RBM11: variants seen among roughly 807,000 people sequenced by gnomAD.
RBM11 encodes RNA binding motif protein 11.
A neutral mutation model predicts 21.4 loss-of-function variants in RBM11; 18 were observed. The ratio of observed to expected loss-of-function variants is 0.84; its 90% CI spans 0.58 to 1.25. The LOEUF is 1.25. Among genes scored for constraint, RBM11 ranks in the 50% most tolerant of loss-of-function variants. The pLI, the probability that RBM11 is intolerant of heterozygous loss-of-function variation, is 0.00. For missense variants in RBM11, 294 were observed against 331.9 expected, an observed-to-expected ratio of 0.89 and a Z score of 0.89; for synonymous variants, 120 against 116.3, an observed-to-expected ratio of 1.03 and a Z score of -0.20.
intron 1 of RBM11, among the ~76,000 whole-genome samples, chr21:14,217,963 G>A (rs529702615): frequency 2.6e-5 from 4 of 152,134 alleles, no homozygotes; most frequent in African/African-American, 9.6e-5. Flanking sequence ...TTCCACCTAA[G>A]CAAAATATAA....
In RBM11 at chr21:14,225,964, T is replaced by A. The variant is rs114171370; in HGVS notation, c.433-916T>A. Among the ~76,000 whole-genome samples, 1,160 of 152,140 alleles carry A rather than the reference T, an allele frequency of 7.6e-3. 14 individuals carry two copies. Among genetic ancestry groups the A allele is most frequent in the African/African-American group, 0.026 (1,082 of 41,560 alleles). ...TGAGTTTTAAAATTTTATTTAATTTTAATTAATTTAAATTAAAATTTAAAA... is the reference window on the plus strand; with the variant it reads ...TGAGTTTTAAAATTTTATTTAATTTAAATTAATTTAAATTAAAATTTAAAA... On this transcript the variant is annotated intron_variant, in intron 4 of 4. Transcript: ENST00000400577.
chr21:14,216,343 G>T, intron 1 of RBM11, 61 bp downstream of exon 1: 3 of 1,431,790 alleles, frequency 2.1e-6, no homozygotes, highest in Non-Finnish European at 1.9e-6. Context: ...AACATAGCGC[G>T]CACCTGGACC....
chr21:14,224,382 G>T, intron 3 of RBM11, 56 bp from the exon 4 acceptor site: 1 of 1,512,496 alleles, frequency 6.6e-7, no homozygotes, highest in South Asian at 1.3e-5. Flanking sequence ...AAGAGAAAAT[G>T]ACATTTGTAA....
chr21:14,221,717 A>G (rs1419797096), intron 3 of RBM11, among the ~76,000 whole-genome samples: 7 of 152,236 alleles, frequency 4.6e-5, no homozygotes, highest in Admixed American at 4.6e-4. Context: ...GCTATCCCAG[A>G]GGTCATGAAA....
intron 3 of RBM11, among the ~76,000 whole-genome samples, chr21:14,223,418 G>A (rs994606085): frequency 2.6e-5 from 4 of 152,090 alleles, no homozygotes; most frequent in East Asian, 1.9e-4. Flanking sequence ...ACAAAGTACC[G>A]CAAACAGAGT....
chr21:14,222,428 C>A (rs111410387), intron 3 of RBM11, among the ~76,000 whole-genome samples: 2 of 152,114 alleles, frequency 1.3e-5, no homozygotes, highest in African/African-American at 4.8e-5. Flanking sequence ...GCTGAATATT[C>A]TCAAGTAAAC....
chr21:14,221,061 AC>A lies in RBM11; in HGVS notation c.260-34del, dbSNP rs748176906. The A allele has an allele frequency of 2.0e-6, 3 of 1,520,522 alleles. No individual in the cohort carries two copies. The South Asian group carries it at 3.8e-5, about 19-fold the overall frequency. 94.2% of individuals were successfully genotyped at this position (1,520,522 alleles called of 1,614,324 possible). A position where few individuals can be genotyped will look rare whatever the true frequency, so the allele number is the denominator to read the frequency against. On this transcript the variant is annotated intron_variant, in intron 2 of 4. Coordinates refer to ENST00000400577, the MANE Select transcript of RBM11 (RefSeq NM_144770.5). ...AATATTACAACTCAAAAAAAAATGTACCATGAAGTAACCTGTTACTCTGTTT... is the reference window on the plus strand; with the variant it reads ...AATATTACAACTCAAAAAAAAATGTACATGAAGTAACCTGTTACTCTGTTT...
intron 3 of RBM11, among the ~76,000 whole-genome samples, chr21:14,224,043 A>G (rs996231813): frequency 1.3e-5 from 2 of 152,204 alleles, no homozygotes; most frequent in Admixed American, 6.5e-5. Flanking sequence ...TGTTTGTTAT[A>G]TAATACCAGT....
intron 4 of RBM11, 56 bp from the exon 5 acceptor site, chr21:14,226,824 T>A: frequency 6.5e-7 from 1 of 1,548,042 alleles, no homozygotes; most frequent in Non-Finnish European, 8.7e-7. Flanking sequence ...AACTGTTAAT[T>A]TTTTTTCCTT....
rs1161766093 is a variant in RBM11, at chr21:14,227,076, C to T, written c.629C>T (p.Ala210Val). ...YQMTAPLPNS[A>V]SVSSSLNHVP... ...ATGACAGCTCCACTTCCTAATAGTG[C>T]ATCCGTGTCTTCCTCACTGAATCAT... Residue 210 changes from alanine to valine, a missense_variant, in exon 5 of 5, where the codon GCA becomes GTA. By Grantham distance (64) the Ala-to-Val change is moderately conservative. Around this residue, in one of 2 missense-constraint regions of RBM11, gnomAD observed 113 missense variants for 167.3 expected, o/e 0.68. Transcript: ENST00000400577. 1.9e-6 allele frequency: 3 copies of T among 1,612,996 alleles called. No individual in the cohort carries two copies. Among genetic ancestry groups the T allele is most frequent in the Non-Finnish European group, 2.5e-6 (3 of 1,179,796 alleles).
rs747157623 is a variant in RBM11 at position 14,227,272 on chromosome 21, TAAG to T, written c.834_836del (p.Lys279del). On this transcript the variant is annotated inframe_deletion, in exon 5 of 5. Coordinates refer to ENST00000400577, the MANE Select transcript of RBM11 (RefSeq NM_144770.5). Reference sequence around the variant, plus strand: ...AATGTAGCCAAAAGTTCCGAAAGTCTAAGAAGAAGAAAAGATACTAGTATTACC... The same window carrying T: ...AATGTAGCCAAAAGTTCCGAAAGTCTAAGAAGAAAAGATACTAGTATTACC... 2.3e-4 allele frequency: 367 copies of T among 1,611,682 alleles called. 5 individuals carry two copies. The highest frequency in any genetic ancestry group is 2.2e-3 in the South Asian group (202 of 90,654).
At chr21:14,221,466 C>T (rs1978660703) in intron 3 of RBM11, 1 of 208,888 alleles carries the variant, frequency 4.8e-6, no homozygotes, top group Non-Finnish European at 9.4e-6. Context: ...TCATGGATCA[C>T]AGGGATACTG....
chr21:14,224,406 AT>A, intron 3 of RBM11, 31 bp from the exon 4 acceptor site: 2 of 1,523,216 alleles, frequency 1.3e-6, no homozygotes, highest in African/African-American at 2.8e-5. Context: ...GAATTTTAAG[AT>A]TTTATTACTT....
In RBM11 at chr21:14,219,641, C is replaced by T. The variant is rs1568896826; in HGVS notation, c.175C>T (p.His59Tyr). ...GTCTTTTGGATTTGTCTGCTTTAAA[C>T]ACCCAGAATCGGTGTCTTATGCCAT... is the stretch of plus-strand genomic sequence containing the variant. ...PKSFGFVCFK[H>Y]PESVSYAIAL... is the part of the protein sequence containing the mutation. The change falls in exon 2 of 5, where the codon CAC becomes TAC. Residue 59 changes from histidine (H) to tyrosine (Y), a missense_variant. By Grantham distance (83) the His-to-Tyr change is moderately conservative. This residue lies in a region of RBM11 where 181 missense variants were observed against 164.6 expected (regional missense o/e 1.10). Coordinates refer to ENST00000400577, the MANE Select transcript of RBM11 (RefSeq NM_144770.5). The T allele has an allele frequency of 6.2e-7, 1 of 1,607,692 alleles. No homozygotes were observed.
intron 2 of RBM11, among the ~76,000 whole-genome samples, chr21:14,219,954 A>G (rs963780365): frequency 2.0e-5 from 3 of 152,186 alleles, no homozygotes; most frequent in African/African-American, 7.2e-5. Flanking sequence ...ATGTAAGATA[A>G]TCGTTTTAGT....
chr21:14,217,537 G>A (rs1054450746), intron 1 of RBM11, among the ~76,000 whole-genome samples: 1 of 151,902 alleles, frequency 6.6e-6, no homozygotes, highest in Admixed American at 6.6e-5. Flanking sequence ...TGGTAGAGAG[G>A]GTTCTTTCCA....
intron 1 of RBM11, among the ~76,000 whole-genome samples, 163 bp downstream of exon 1, chr21:14,216,445 G>A (rs1345817392): frequency 6.6e-6 from 1 of 152,104 alleles, no homozygotes; most frequent in Non-Finnish European, 1.5e-5. Context: ...AGCGGCTGGG[G>A]AGTGAAATGA....
rs9980827 is a variant in RBM11 at position 14,217,224 on chromosome 21, A to C, written c.96+942A>C. ...AAGAGAGTAGTAGTATCTGCAGTAT[A>C]ATGTGGCTATCGGAATATGTGGCCT... On this transcript the variant is annotated intron_variant, in intron 1 of 4. Transcript: ENST00000400577. Among the ~76,000 whole-genome samples, 1,233 of 152,312 alleles carry C rather than the reference A, an allele frequency of 8.1e-3. 17 individuals are homozygous for C. The highest frequency in any genetic ancestry group is 0.029 in the African/African-American group (1,196 of 41,574).
intron 4 of RBM11, among the ~76,000 whole-genome samples, chr21:14,225,531 G>A (rs1186172310): frequency 6.6e-6 from 1 of 152,048 alleles, no homozygotes; most frequent in Admixed American, 6.5e-5. Context: ...GACTAACCCA[G>A]GTCTTCTGAT....
Sources: allele counts gnomAD v4.1 joint callset (sites outside exome capture counted in the v4.1 genomes callset), GRCh38; gene constraint gnomAD v4.1.1; regional missense constraint gnomAD v4.1.1; transcripts MANE v1.5; gene names NCBI Gene and HGNC (gene_info 2026-07-23, HGNC 2026-07-21).